The following ZNF804A variants were observed in gnomAD, a reference collection of about 807,000 sequenced individuals.
ZNF804A encodes the protein zinc finger protein 804A.
Under a neutral mutation model 16.5 loss-of-function variants are expected in ZNF804A, and 2 were observed. The ratio of observed to expected loss-of-function variants is 0.12; its 90% CI spans 0.05 to 0.38. The LOEUF (loss-of-function observed/expected upper bound fraction) is 0.38, where lower values mean the gene tolerates loss of function less well. ZNF804A is among the 10% of genes least tolerant of loss of function. ZNF804A has a pLI of 0.99. For synonymous variants in ZNF804A, 534 were observed against 489.6 expected, an observed-to-expected ratio of 1.09 and a Z score of -1.20; for missense variants, 1,473 against 1,390.7, an observed-to-expected ratio of 1.06 and a Z score of -0.94.
intron 2 of ZNF804A, among the ~76,000 whole-genome samples, chr2:184,906,537 G>A (rs891068940): frequency 6.6e-6 from 1 of 152,048 alleles, no homozygotes; most frequent in African/African-American, 2.4e-5. Context: ...CTGGGCTGAA[G>A]AGATCCATCT....
intron 1 of ZNF804A, among the ~76,000 whole-genome samples, chr2:184,840,979 A>G (rs1477331184): frequency 1.3e-5 from 2 of 152,154 alleles, no homozygotes; most frequent in Admixed American, 6.6e-5. Flanking sequence ...TAATGCTGCA[A>G]GCGAACAATG....
chr2:184,838,949 T>C (rs963001010), intron 1 of ZNF804A, among the ~76,000 whole-genome samples: 23 of 152,176 alleles, frequency 1.5e-4, no homozygotes, highest in Non-Finnish European at 3.2e-4. Flanking sequence ...TCCATTGATA[T>C]GATAGAATCT....
chr2:184,920,844 G>A (rs184439172), intron 2 of ZNF804A, among the ~76,000 whole-genome samples: 36 of 152,272 alleles, frequency 2.4e-4, no homozygotes, highest in Middle Eastern at 6.8e-3. Context: ...AATAGCATTA[G>A]AAAGCTTGGA....
chr2:184,820,965 C>T (rs1013752054), intron 1 of ZNF804A, among the ~76,000 whole-genome samples: 1 of 152,046 alleles, frequency 6.6e-6, no homozygotes, highest in Non-Finnish European at 1.5e-5. Context: ...TAGGAAGAAT[C>T]AATATGGCAA....
intron 1 of ZNF804A, among the ~76,000 whole-genome samples, chr2:184,855,615 TACAC>T (rs4017731): frequency 0.014 from 1,663 of 120,686 alleles, 30 homozygotes; most frequent in African/African-American, 0.072. Context: ...TATATATATA[TACAC>T]ACACACACAC....
At chr2:184,631,258 G>A (rs1691604680) in intron 1 of ZNF804A, among the ~76,000 whole-genome samples, 1 of 152,074 alleles carries the variant, frequency 6.6e-6, no homozygotes, top group Non-Finnish European at 1.5e-5. Flanking sequence ...TAGGAAATCT[G>A]CAACTCCTTT....
At chr2:184,930,909 T>C (rs1685687902) in intron 2 of ZNF804A, among the ~76,000 whole-genome samples, 1 of 152,162 alleles carries the variant, frequency 6.6e-6, no homozygotes, top group African/African-American at 2.4e-5. Flanking sequence ...TACCAGAAAC[T>C]GGGAAATTTA....
intron 2 of ZNF804A, among the ~76,000 whole-genome samples, chr2:184,901,440 T>C (rs1685180596): frequency 6.6e-6 from 1 of 152,126 alleles, no homozygotes; most frequent in South Asian, 2.1e-4. Context: ...GCAGTACTTG[T>C]AGGAATGCTT....
intron 1 of ZNF804A, among the ~76,000 whole-genome samples, chr2:184,739,780 A>G (rs10191993): frequency 1.4e-4 from 22 of 152,204 alleles, no homozygotes; most frequent in African/African-American, 5.1e-4. Flanking sequence ...CAATACTTTA[A>G]TCTCCCCTGC....
At chr2:184,788,587 G>A (rs1694485836) in intron 1 of ZNF804A, among the ~76,000 whole-genome samples, 1 of 151,744 alleles carries the variant, frequency 6.6e-6, no homozygotes, top group Non-Finnish European at 1.5e-5. Context: ...TTTATTTTTT[G>A]TATAACTATT....
At chr2:184,884,763 A>T (rs1354020812) in intron 2 of ZNF804A, among the ~76,000 whole-genome samples, 1 of 152,178 alleles carries the variant, frequency 6.6e-6, no homozygotes, top group Non-Finnish European at 1.5e-5. Flanking sequence ...CCAAGGAAAT[A>T]AATATAATTC....
chr2:184,914,700 A>C (rs1411024573), intron 2 of ZNF804A, among the ~76,000 whole-genome samples: 1 of 152,122 alleles, frequency 6.6e-6, no homozygotes, highest in African/African-American at 2.4e-5. Context: ...AATTGTAACT[A>C]TATATACATA....
At chr2:184,681,728 A>G (rs1692543478) in intron 1 of ZNF804A, among the ~76,000 whole-genome samples, 1 of 152,220 alleles carries the variant, frequency 6.6e-6, no homozygotes. Flanking sequence ...TATAGCTAGC[A>G]GGGGCCAGGA....
At chr2:184,837,848 C>A (rs1486370325) in intron 1 of ZNF804A, among the ~76,000 whole-genome samples, 3 of 152,136 alleles carry the variant, frequency 2.0e-5, no homozygotes, top group African/African-American at 7.2e-5. Context: ...GCTCTGCCCT[C>A]ATCCACTGCC....
intron 1 of ZNF804A, among the ~76,000 whole-genome samples, chr2:184,762,785 A>G (rs960454568): frequency 2.6e-5 from 4 of 152,108 alleles, no homozygotes; most frequent in African/African-American, 9.6e-5. Context: ...TGACCTTACA[A>G]TCAATTCTGC....
chr2:184,771,739 T>G (rs564731991), intron 1 of ZNF804A, among the ~76,000 whole-genome samples: 140 of 152,208 alleles, frequency 9.2e-4, no homozygotes, highest in African/African-American at 3.1e-3. Context: ...GTAGACTACC[T>G]GCAGCTCCTG....
chr2:184,703,425 G>T (rs922797120), intron 1 of ZNF804A, among the ~76,000 whole-genome samples: 6 of 151,842 alleles, frequency 4.0e-5, no homozygotes, highest in African/African-American at 1.5e-4. Flanking sequence ...AATGCAGGCC[G>T]GGCTTTGTGG....
chr2:184,850,096 G>T (rs1031368360), intron 1 of ZNF804A, among the ~76,000 whole-genome samples: 4 of 151,724 alleles, frequency 2.6e-5, no homozygotes, highest in African/African-American at 2.4e-5. Flanking sequence ...GGGGTAAAAA[G>T]TGAGGATGGT....
intron 1 of ZNF804A, among the ~76,000 whole-genome samples, chr2:184,750,455 G>T (rs1238943165): frequency 2.0e-5 from 3 of 151,322 alleles, no homozygotes; most frequent in Admixed American, 6.6e-5. Context: ...GATCAGGAAA[G>T]TCAAATCCTG....
Sources: gnomAD v4.1 joint callset for allele counts (sites outside exome capture counted in the v4.1 genomes callset) on GRCh38, gnomAD v4.1.1 for gene constraint, MANE v1.5 for transcripts, NCBI Gene and HGNC (gene_info 2026-07-23, HGNC 2026-07-21) for gene names.